The following NAV2 variants were observed in gnomAD, a reference collection of about 807,000 sequenced individuals.
NAV2 encodes helicase, APC down-regulated 1.
In NAV2, 54 loss-of-function variants were observed where a neutral mutation model predicts 223.2. The ratio of observed to expected loss-of-function variants is 0.24; its 90% CI spans 0.19 to 0.30. The LOEUF is 0.30. Ranked by LOEUF, NAV2 falls within the 10% of genes least tolerant of loss-of-function variation. The pLI, the probability that NAV2 is intolerant of heterozygous loss-of-function variation, is 1.00. For missense variants in NAV2, 2,806 were observed against 3,147.5 expected, an observed-to-expected ratio of 0.89 and a Z score of 2.60; for synonymous variants, 1,279 against 1,239.3, an observed-to-expected ratio of 1.03 and a Z score of -0.67.
At chr11:19,630,051 G>A (rs566842118) in intron 1 of NAV2, among the ~76,000 whole-genome samples, 10 of 150,176 alleles carry the variant, frequency 6.7e-5, no homozygotes, top group East Asian at 3.9e-4. Context: ...TGGGGAATGC[G>A]ACCTATGTTC....
chr11:19,931,965 G>C (rs2045393398), intron 6 of NAV2, among the ~76,000 whole-genome samples: 2 of 152,096 alleles, frequency 1.3e-5, no homozygotes, highest in Admixed American at 6.5e-5. Flanking sequence ...TTCCTTGAGA[G>C]ATAGGCTGCA....
intron 3 of NAV2, among the ~76,000 whole-genome samples, chr11:19,851,875 A>G (rs559385478): frequency 2.7e-5 from 4 of 150,566 alleles, no homozygotes; most frequent in East Asian, 4.0e-4. Context: ...GGCAGGCCCA[A>G]TGTGATTACA....
At chr11:19,581,544 G>A (rs2045717579) in intron 1 of NAV2, among the ~76,000 whole-genome samples, 1 of 151,994 alleles carries the variant, frequency 6.6e-6, no homozygotes, top group African/African-American at 2.4e-5. Context: ...AGGCCCCAGT[G>A]TGTGATGTTC....
intron 10 of NAV2, among the ~76,000 whole-genome samples, chr11:19,962,564 T>C (rs1482051793): frequency 1.3e-5 from 2 of 152,214 alleles, no homozygotes; most frequent in Non-Finnish European, 2.9e-5. Context: ...CTGCCTGGGA[T>C]GTGACCACAG....
At chr11:20,055,282 C>T (rs1374768800) in intron 18 of NAV2, among the ~76,000 whole-genome samples, 1 of 152,196 alleles carries the variant, frequency 6.6e-6, no homozygotes, top group Non-Finnish European at 1.5e-5. Context: ...ACCTTCCTTG[C>T]ATTGAAACTC....
chr11:19,977,050 G>T (rs1026474375), intron 10 of NAV2, among the ~76,000 whole-genome samples: 3 of 152,104 alleles, frequency 2.0e-5, no homozygotes, highest in African/African-American at 4.8e-5. Flanking sequence ...CGCATAAAGG[G>T]TGCCCCAATT....
chr11:19,814,599 C>A lies in NAV2; in HGVS notation c.268-17885C>A, dbSNP rs369661937. ...AGTCCTGGTGCCTGCAGCTGTGTGG[C>A]GCTCTGGTTTTACAATCAGAATGGC... is the stretch of plus-strand genomic sequence containing the variant. On this transcript the variant is annotated intron_variant, in intron 1 of 37. Coordinates refer to ENST00000349880, the MANE Select transcript of NAV2 (RefSeq NM_145117.5). Among the ~76,000 whole-genome samples the A allele has an allele frequency of 9.9e-5, 15 of 152,186 alleles. No individual in the cohort carries two copies. The South Asian group carries it at 2.9e-3, about 30-fold the overall frequency.
intron 11 of NAV2, among the ~76,000 whole-genome samples, chr11:19,994,164 C>CACT (rs2051627962): frequency 6.6e-6 from 1 of 152,198 alleles, no homozygotes; most frequent in Non-Finnish European, 1.5e-5. Flanking sequence ...CCTTTAGAAA[C>CACT]ATTACCCAAG....
chr11:19,749,887 A>G (rs7945964), intron 1 of NAV2, among the ~76,000 whole-genome samples: 78,497 of 152,094 alleles, frequency 0.52, 20,616 homozygotes, highest in South Asian at 0.65. Flanking sequence ...CCTCACGTCT[A>G]TGGCTTTGAG....
chr11:19,723,482 G>A (rs2050939399), intron 1 of NAV2, among the ~76,000 whole-genome samples: 1 of 152,176 alleles, frequency 6.6e-6, no homozygotes, highest in Admixed American at 6.5e-5. Context: ...GGAGGCCTGA[G>A]TCCCATATGA....
intron 5 of NAV2, among the ~76,000 whole-genome samples, chr11:19,888,619 A>G (rs1477991303): frequency 6.6e-6 from 1 of 152,196 alleles, no homozygotes; most frequent in Non-Finnish European, 1.5e-5. Flanking sequence ...CCTGGAGGGC[A>G]GGACCAAGTC....
In NAV2 at chr11:19,437,945, A is replaced by G. The variant is rs1024680222; in HGVS notation, c.75+86918A>G. ...GTCATTGATATGTGTATTTTTCTCC[A>G]TAATATCACCCTCTGTGCCAACATA... On this transcript the variant is annotated intron_variant, in intron 1 of 37. Coordinates refer to the NAV2 transcript ENST00000360655. Among the ~76,000 whole-genome samples the G allele has an allele frequency of 2.0e-5, 3 of 152,230 alleles. No homozygotes were observed. The East Asian group carries it at 5.8e-4, about 29-fold the overall frequency.
intron 1 of NAV2, among the ~76,000 whole-genome samples, chr11:19,768,479 T>C (rs2055419447): frequency 6.6e-6 from 1 of 151,902 alleles, no homozygotes; most frequent in African/African-American, 2.4e-5. Context: ...TGGACTGGTA[T>C]GGCAAAAGGA....
chr11:19,444,998 C>A (rs1368204149), intron 1 of NAV2, among the ~76,000 whole-genome samples: 1 of 152,188 alleles, frequency 6.6e-6, no homozygotes, highest in Non-Finnish European at 1.5e-5. Flanking sequence ...TTAACTACCA[C>A]AACCACCATC....
chr11:19,605,001 C>G (rs2046441465), intron 1 of NAV2, among the ~76,000 whole-genome samples: 1 of 152,162 alleles, frequency 6.6e-6, no homozygotes, highest in South Asian at 2.1e-4. Context: ...CCATTAAACC[C>G]ATTTTTCTTC....
intron 11 of NAV2, among the ~76,000 whole-genome samples, chr11:20,033,863 A>G (rs181991641): frequency 1.3e-5 from 2 of 152,184 alleles, no homozygotes; most frequent in Non-Finnish European, 2.9e-5. Flanking sequence ...CAAAATCTCA[A>G]CCACTCAGCA....
In NAV2 at chr11:19,713,286, C is replaced by T; in HGVS notation, c.-410C>T. The stretch of plus-strand genomic sequence containing the variant: ...GAACGGGACTCGTGGGTCGCCGCCG[C>T]CTCTGTCTCTTCCAAAGGGGCCTCC... On this transcript the variant is annotated 5_prime_UTR_variant, in exon 1 of 38. Transcript: ENST00000349880. This position sits in a 1 kb window ranked among gnomAD's most constrained non-coding sequence, Gnocchi z 7.2. 9.8e-7 allele frequency: 1 copy of T among 1,019,328 alleles called. No homozygotes were observed. 63.1% of individuals were successfully genotyped at this position (1,019,328 alleles called of 1,614,324 possible).
intron 1 of NAV2, among the ~76,000 whole-genome samples, chr11:19,418,125 CA>C (rs1850456680): frequency 6.6e-6 from 1 of 152,070 alleles, no homozygotes; most frequent in South Asian, 2.1e-4. Context: ...TGAAAAACAA[CA>C]AAACAAAAGG....
chr11:20,086,428 C>G (rs368211039), intron 26 of NAV2, among the ~76,000 whole-genome samples: 3 of 152,174 alleles, frequency 2.0e-5, no homozygotes, highest in African/African-American at 4.8e-5. Flanking sequence ...ATGAATAAGG[C>G]CTTGCCCATT....
Sources: allele counts gnomAD v4.1 joint callset (sites outside exome capture counted in the v4.1 genomes callset), GRCh38; gene constraint gnomAD v4.1.1; non-coding constraint Gnocchi (gnomAD v3.1); transcripts MANE v1.5; gene names NCBI Gene and HGNC (gene_info 2026-07-23, HGNC 2026-07-21).